The following NRG3 variants were observed in gnomAD, a reference collection of about 807,000 sequenced individuals.
NRG3 encodes the protein neuregulin 3.
In NRG3, 31 loss-of-function variants were observed where a neutral mutation model predicts 66.9. That is an observed-to-expected ratio of 0.46 (90% CI 0.35 to 0.63). The LOEUF is 0.63. NRG3 is among the 20% of genes least tolerant of loss of function. The pLI, the probability that NRG3 is intolerant of heterozygous loss-of-function variation, is 0.00. For synonymous variants in NRG3, 393 were observed against 359.4 expected (o/e 1.09, Z -1.06); for missense variants, 910 against 878.9 (o/e 1.04, Z -0.45).
At chr10:82,600,553 C>T (rs542629140) in intron 2 of NRG3, among the ~76,000 whole-genome samples, 1 of 152,128 alleles carries the variant, frequency 6.6e-6, no homozygotes, top group South Asian at 2.1e-4. Context: ...GCATTGCAAC[C>T]CCTGCCTCCC....
At chr10:82,436,230 G>A (rs981263393) in intron 2 of NRG3, among the ~76,000 whole-genome samples, 2 of 152,112 alleles carry the variant, frequency 1.3e-5, no homozygotes, top group Non-Finnish European at 2.9e-5. Context: ...CCTGTATTGG[G>A]TACATACATA....
chr10:82,766,025 C>G (rs2059498818), intron 3 of NRG3, among the ~76,000 whole-genome samples: 1 of 152,000 alleles, frequency 6.6e-6, no homozygotes, highest in Non-Finnish European at 1.5e-5. Context: ...CTTTGATGTG[C>G]CTATTTCTTT....
chr10:82,586,282 G>T (rs1017123871), intron 2 of NRG3, among the ~76,000 whole-genome samples: 10 of 150,478 alleles, frequency 6.6e-5, no homozygotes, highest in African/African-American at 2.4e-4. Context: ...GCTAAACTGA[G>T]AAATATTTAG....
chr10:82,464,149 T>A (rs1337040145), intron 2 of NRG3, among the ~76,000 whole-genome samples: 1 of 152,160 alleles, frequency 6.6e-6, no homozygotes, highest in Admixed American at 6.5e-5. Flanking sequence ...CCACTGCTAT[T>A]GAAGGTCAGC....
chr10:82,373,915 C>G (rs1395198913), intron 2 of NRG3, among the ~76,000 whole-genome samples: 2 of 152,032 alleles, frequency 1.3e-5, no homozygotes, highest in Non-Finnish European at 2.9e-5. Context: ...ACAAGCTAAC[C>G]AAAACATTAT....
rs551350670 is a variant in NRG3, at chr10:82,349,027, C to T, written c.824-9712C>T. ...CTTTGGTTTGAATGTCCTCCTGTAG[C>T]TCAGAGTAATTTGATCTTCTAAAGC... On this transcript the variant is annotated intron_variant, in intron 1 of 8. Coordinates refer to ENST00000372141, the MANE Select transcript of NRG3 (RefSeq NM_001010848.4). Among the ~76,000 whole-genome samples, 4 of 152,298 alleles carry T rather than the reference C, an allele frequency of 2.6e-5. No individual in the cohort carries two copies. In the East Asian group the frequency reaches 5.8e-4, roughly 22 times the overall value.
chr10:82,826,986 A>C (rs1229640094), intron 3 of NRG3, among the ~76,000 whole-genome samples: 1 of 152,118 alleles, frequency 6.6e-6, no homozygotes, highest in Non-Finnish European at 1.5e-5. Flanking sequence ...CCGTCAAAAT[A>C]CTTTCTAAAT....
chr10:81,932,422 G>A (rs1290191020), intron 1 of NRG3, among the ~76,000 whole-genome samples: 1 of 152,124 alleles, frequency 6.6e-6, no homozygotes, highest in Non-Finnish European at 1.5e-5. Flanking sequence ...TTTAGCTGGG[G>A]ACAAATATCC....
At chr10:82,517,279 T>C (rs1845747992) in intron 2 of NRG3, among the ~76,000 whole-genome samples, 1 of 152,188 alleles carries the variant, frequency 6.6e-6, no homozygotes, top group African/African-American at 2.4e-5. Flanking sequence ...ATTTGCATTT[T>C]TTCACTGGAG....
At chr10:82,098,310 A>C (rs2066498166) in intron 1 of NRG3, among the ~76,000 whole-genome samples, 1 of 150,990 alleles carries the variant, frequency 6.6e-6, no homozygotes. Context: ...ATATATATAG[A>C]TATAGATGTC....
chr10:82,667,526 G>T (rs1167050830), intron 2 of NRG3, among the ~76,000 whole-genome samples: 1 of 152,166 alleles, frequency 6.6e-6, no homozygotes, highest in African/African-American at 2.4e-5. Flanking sequence ...CAGAGATACT[G>T]CCTGGAAGGA....
chr10:82,795,948 C>A (rs1276460727), intron 3 of NRG3, among the ~76,000 whole-genome samples: 1 of 151,970 alleles, frequency 6.6e-6, no homozygotes, highest in Non-Finnish European at 1.5e-5. Flanking sequence ...TTTAACAATT[C>A]TAAAAGAAGG....
chr10:82,358,909 G>T (rs1191160229), intron 2 of NRG3, 41 bp downstream of exon 2: 1 of 1,613,222 alleles, frequency 6.2e-7, no homozygotes, highest in Non-Finnish European at 8.5e-7. Context: ...CAGGCCCGTT[G>T]CAAGGCGTGG....
At chr10:82,371,262 A>T (rs2084875207) in intron 2 of NRG3, among the ~76,000 whole-genome samples, 1 of 152,206 alleles carries the variant, frequency 6.6e-6, no homozygotes, top group African/African-American at 2.4e-5. Context: ...TGCAAGTTTT[A>T]TCAAATGAGA....
intron 3 of NRG3, among the ~76,000 whole-genome samples, chr10:82,755,938 C>A (rs1052630887): frequency 2.0e-5 from 3 of 152,130 alleles, no homozygotes; most frequent in Non-Finnish European, 4.4e-5. Flanking sequence ...CTTCCACTGG[C>A]TCATATTGAC....
At chr10:82,936,911 A>G (rs1848124597) in intron 4 of NRG3, among the ~76,000 whole-genome samples, 1 of 152,154 alleles carries the variant, frequency 6.6e-6, no homozygotes, top group South Asian at 2.1e-4. Flanking sequence ...TGTAGTTTAC[A>G]TATATCCTTA....
chr10:82,290,020 C>T (rs2079633529), intron 1 of NRG3, among the ~76,000 whole-genome samples: 1 of 152,200 alleles, frequency 6.6e-6, no homozygotes, highest in Non-Finnish European at 1.5e-5. Context: ...TAAATGATCA[C>T]TCAAAATGGA....
At chr10:82,479,588 C>A (rs1247170385) in intron 2 of NRG3, among the ~76,000 whole-genome samples, 1 of 144,230 alleles carries the variant, frequency 6.9e-6, no homozygotes, top group Admixed American at 7.1e-5. Context: ...CGCTTGAACC[C>A]GGGAGGCAGA....
chr10:81,899,717 C>A (rs572796967), intron 1 of NRG3, among the ~76,000 whole-genome samples: 2 of 152,202 alleles, frequency 1.3e-5, no homozygotes, highest in African/African-American at 2.4e-5. Context: ...GGCCTGGCCC[C>A]TGTTGACTCC....
Sources: gnomAD v4.1 joint callset for allele counts (sites outside exome capture counted in the v4.1 genomes callset) on GRCh38, gnomAD v4.1.1 for gene constraint, MANE v1.5 for transcripts, NCBI Gene and HGNC (gene_info 2026-07-23, HGNC 2026-07-21) for gene names.